NDE1: variants seen among roughly 807,000 people sequenced by gnomAD.
NDE1 encodes the protein nudE neurodevelopment protein 1, also known as nuclear distribution protein nudE homolog 1.
In NDE1, 28 loss-of-function variants were observed where a neutral mutation model predicts 43.4. The observed-to-expected ratio is 0.65, with a 90% CI of 0.48 to 0.89. The LOEUF (loss-of-function observed/expected upper bound fraction) is 0.89, where lower values mean the gene tolerates loss of function less well. Among genes scored for constraint, NDE1 ranks in the 40% least tolerant of loss-of-function variants. The pLI is 0.00. For synonymous variants in NDE1, 184 were observed against 172.0 expected, an observed-to-expected ratio of 1.07 and a Z score of -0.55; for missense variants, 441 against 434.1, an observed-to-expected ratio of 1.02 and a Z score of -0.14.
At chr16:15,657,137 G>A (rs148496670) in intron 1 of NDE1, among the ~76,000 whole-genome samples, 42 of 150,378 alleles carry the variant, frequency 2.8e-4, no homozygotes, top group Non-Finnish European at 4.6e-4. Context: ...CACTCTTGTC[G>A]TCCAGGTTGG....
intron 1 of NDE1, among the ~76,000 whole-genome samples, chr16:15,663,534 A>C (rs2037154548): frequency 6.6e-6 from 1 of 151,866 alleles, no homozygotes; most frequent in African/African-American, 2.4e-5. Context: ...GAGCCACTGC[A>C]CCTGGCTTTT....
rs780993488 is a variant in NDE1 at position 15,708,782 on chromosome 16, G to T, written c.947+11922G>T. ...ATGGATACTGAGACAACACACAGCT[G>T]CGAAGCTGAAGGCATGATACCTGGT... On this transcript the variant is annotated intron_variant, in intron 8 of 8. Coordinates refer to ENST00000396354, the MANE Select transcript of NDE1 (RefSeq NM_017668.3). 2.5e-6 allele frequency: 4 copies of T among 1,601,844 alleles called. No homozygotes were observed. In the South Asian group the frequency reaches 3.4e-5, roughly 14 times the overall value.
chr16:15,719,648 G>T, intron 8 of NDE1: 1 of 1,614,150 alleles, frequency 6.2e-7, no homozygotes, highest in Non-Finnish European at 8.5e-7. Flanking sequence ...CTTTGGCTGT[G>T]GCAAAGATCT....
At chr16:15,648,304 T>A (rs926731355), upstream of NDE1, among the ~76,000 whole-genome samples, 2 of 152,130 alleles carry the variant, frequency 1.3e-5, no homozygotes, top group African/African-American at 4.8e-5. Context: ...AAATACTAGA[T>A]CTTATTCATT....
intron 1 of NDE1, among the ~76,000 whole-genome samples, chr16:15,651,108 T>G (rs968892183): frequency 1.3e-5 from 2 of 152,196 alleles, no homozygotes; most frequent in African/African-American, 4.8e-5. Flanking sequence ...GGAGGCGACT[T>G]TATCTTCTCC....
chr16:15,693,005 T>C (rs1193077638), intron 6 of NDE1, among the ~76,000 whole-genome samples: 26 of 145,100 alleles, frequency 1.8e-4, no homozygotes, highest in South Asian at 1.7e-3. Flanking sequence ...CTTTCTCTCT[T>C]TTTTTTTTTT....
chr16:15,725,036 G>A lies in NDE1; in HGVS notation c.*785G>A. 2.6e-6 allele frequency: 4 copies of A among 1,552,868 alleles called. No individual in the cohort carries two copies. Among genetic ancestry groups the A allele is most frequent in the Non-Finnish European group, 3.5e-6 (4 of 1,131,008 alleles). Reference sequence around the variant, plus strand: ...TGGTTAGTCAAAGCCTCTAGAAGGGGATCCTCGTTGAAAGGAGCCCTTTTT... The same window carrying A: ...TGGTTAGTCAAAGCCTCTAGAAGGGAATCCTCGTTGAAAGGAGCCCTTTTT... On this transcript the variant is annotated 3_prime_UTR_variant, in exon 9 of 9. Coordinates refer to ENST00000396354, the MANE Select transcript of NDE1 (RefSeq NM_017668.3).
chr16:15,691,571 G>C (rs535636194), intron 6 of NDE1, among the ~76,000 whole-genome samples: 1 of 152,058 alleles, frequency 6.6e-6, no homozygotes, highest in African/African-American at 2.4e-5. Context: ...CTGCCACTCT[G>C]CAGCTACGAG....
At chr16:15,688,068 C>T (rs1184598480) in intron 5 of NDE1, among the ~76,000 whole-genome samples, 1 of 152,096 alleles carries the variant, frequency 6.6e-6, no homozygotes. Context: ...CCCAGCTACT[C>T]AGGAAGCCAA....
intron 5 of NDE1, among the ~76,000 whole-genome samples, chr16:15,688,689 CTTTTTTTTTTTT>C (rs1194565114): frequency 2.0e-4 from 12 of 59,996 alleles, no homozygotes; most frequent in Admixed American, 5.5e-4. Context: ...TTGTTTTTAC[CTTTTTTTTTTTT>C]TTTTTTTTTT....
chr16:15,687,191 T>C, intron 4 of NDE1, 184 bp from the exon 5 acceptor site: 1 of 1,513,624 alleles, frequency 6.6e-7, no homozygotes, highest in Admixed American at 2.0e-5. Context: ...ATGAGTCCCA[T>C]TCTGCAGGTA....
Position 15,719,070 on chromosome 16 carries a change from G to A in NDE1, c.948-5121G>A, listed in dbSNP as rs545562248. On this transcript the variant is annotated intron_variant, in intron 8 of 8. Transcript: ENST00000396354. ...TTGAACCTGGGAGGTGGAGGTTGCAGTGAGCCAAGATTGTGCCACTGCCCT... is the reference window on the plus strand; with the variant it reads ...TTGAACCTGGGAGGTGGAGGTTGCAATGAGCCAAGATTGTGCCACTGCCCT... The A allele has an allele frequency of 5.3e-6, 4 of 756,558 alleles. No homozygotes were observed. The African/African-American group carries it at 6.9e-5, about 13-fold the overall frequency. The allele number at this position is 756,558 out of a possible 1,614,324, so 46.9% of individuals were successfully genotyped here. A position where few individuals can be genotyped will look rare whatever the true frequency, so the allele number is the denominator to read the frequency against.
chr16:15,694,357 T>A (rs1489349076), intron 7 of NDE1, 101 bp downstream of exon 7: 1 of 1,547,238 alleles, frequency 6.5e-7, no homozygotes, highest in Non-Finnish European at 8.7e-7. Context: ...TTTTTTCTTT[T>A]TTTTTAGAGA....
At chr16:15,724,066 G>A (rs1473846990) in intron 8 of NDE1, 125 bp from the exon 9 acceptor site, 40 of 1,589,680 alleles carry the variant, frequency 2.5e-5, no homozygotes, top group Non-Finnish European at 3.4e-5. Context: ...GAGAGGGGAT[G>A]CAGGCACAGG....
At chr16:15,649,209 A>G (rs557251921), upstream of NDE1, 7 of 152,302 alleles carry the variant, frequency 4.6e-5, no homozygotes, top group Non-Finnish European at 4.4e-5. Flanking sequence ...ATAAATAAAT[A>G]AACAAAATCA....
intron 8 of NDE1, among the ~76,000 whole-genome samples, chr16:15,706,411 A>T (rs1397043163): frequency 6.6e-6 from 1 of 151,006 alleles, no homozygotes; most frequent in Non-Finnish European, 1.5e-5. Context: ...CCAGGTTCAA[A>T]CCCTGATGGG....
chr16:15,700,244 C>A, intron 8 of NDE1: 1 of 319,072 alleles, frequency 3.1e-6, no homozygotes, highest in Non-Finnish European at 4.6e-6. Flanking sequence ...TTACAGGCAC[C>A]CACCACCACA....
At chr16:15,720,971 G>T (rs141031021) in intron 8 of NDE1, 1 of 1,613,954 alleles carries the variant, frequency 6.2e-7, no homozygotes, top group Admixed American at 1.7e-5. Context: ...CTTGCAGCTC[G>T]TCCTCCAGCT....
chr16:15,708,068 T>A, intron 8 of NDE1, among the ~76,000 whole-genome samples: 1 of 151,504 alleles, frequency 6.6e-6, no homozygotes, highest in East Asian at 1.9e-4. Context: ...CACTCCCCAG[T>A]CCCTGAACAT....
Sources: allele counts gnomAD v4.1 joint callset (sites outside exome capture counted in the v4.1 genomes callset), GRCh38; gene constraint gnomAD v4.1.1; transcripts MANE v1.5; gene names NCBI Gene and HGNC (gene_info 2026-07-23, HGNC 2026-07-21).